The following SAMD5 variants were observed in gnomAD, a reference collection of about 807,000 sequenced individuals.
SAMD5 encodes sterile alpha motif domain-containing protein 5.
SAMD5 carries 13 observed loss-of-function variants against 11.3 expected under a neutral mutation model. The observed-to-expected ratio is 1.15, with a 90% CI of 0.75 to 1.83. The LOEUF (loss-of-function observed/expected upper bound fraction) is 1.83. Among genes scored for constraint, SAMD5 ranks in the 40% most tolerant of loss-of-function variants. The pLI is 0.00. For missense variants in SAMD5, 255 were observed against 239.1 expected, an observed-to-expected ratio of 1.07 and a Z score of -0.44; for synonymous variants, 129 against 111.3, an observed-to-expected ratio of 1.16 and a Z score of -1.00.
At chr6:147,810,046 C>T in the SAMD5 span, among the ~76,000 whole-genome samples, 1 of 152,066 alleles carries the variant, frequency 6.6e-6, no homozygotes, top group African/African-American at 2.4e-5. Context: ...ATGTATGTAA[C>T]CATTTTTTTG....
intron 1 of SAMD5, among the ~76,000 whole-genome samples, chr6:147,529,417 G>A (rs1172503764): frequency 6.6e-6 from 1 of 152,140 alleles, no homozygotes; most frequent in East Asian, 1.9e-4. Flanking sequence ...CAATTTAAAT[G>A]TAATTTAGGT....
chr6:147,757,506 T>A, the SAMD5 span, among the ~76,000 whole-genome samples: 5 of 152,190 alleles, frequency 3.3e-5, no homozygotes, highest in Admixed American at 3.3e-4. Flanking sequence ...AGAGACAGAA[T>A]TATGTCACAT....
At chr6:147,805,107 G>A in the SAMD5 span, among the ~76,000 whole-genome samples, 2 of 152,100 alleles carry the variant, frequency 1.3e-5, no homozygotes, top group Non-Finnish European at 2.9e-5. Flanking sequence ...CTTCAAATGG[G>A]GTTTATTGCA....
intron 1 of SAMD5, among the ~76,000 whole-genome samples, chr6:147,634,815 A>G (rs984318313): frequency 1.3e-5 from 2 of 152,226 alleles, no homozygotes; most frequent in African/African-American, 4.8e-5. Context: ...TGGCTTTGAC[A>G]GAGTGAAGGT....
chr6:147,826,596 A>G, the SAMD5 span, among the ~76,000 whole-genome samples: 30 of 152,172 alleles, frequency 2.0e-4, no homozygotes, highest in Non-Finnish European at 3.4e-4. Flanking sequence ...ATTCGTTTTC[A>G]TATTTCTCAT....
chr6:147,752,855 T>C, the SAMD5 span, among the ~76,000 whole-genome samples: 3 of 152,308 alleles, frequency 2.0e-5, no homozygotes, highest in South Asian at 6.2e-4. Flanking sequence ...AAAAGAAATA[T>C]GTTAGAAGCA....
At chr6:147,672,723 A>G (rs929387397) in intron 1 of SAMD5, among the ~76,000 whole-genome samples, 6 of 151,470 alleles carry the variant, frequency 4.0e-5, no homozygotes, top group Admixed American at 6.6e-5. Context: ...ATATATCTTC[A>G]TATTTCTAAA....
chr6:147,791,364 T>C, the SAMD5 span, among the ~76,000 whole-genome samples: 2 of 152,148 alleles, frequency 1.3e-5, no homozygotes, highest in African/African-American at 2.4e-5. Flanking sequence ...TGTCTATGCA[T>C]CTTGATTTTT....
downstream of SAMD5, among the ~76,000 whole-genome samples, chr6:147,571,415 G>A (rs368210340): frequency 2.6e-4 from 39 of 149,246 alleles, no homozygotes; most frequent in African/African-American, 9.6e-4. Flanking sequence ...GTCCCACTGA[G>A]GATTTTTTTT....
At chr6:147,799,302 G>A in the SAMD5 span, among the ~76,000 whole-genome samples, 1 of 152,004 alleles carries the variant, frequency 6.6e-6, no homozygotes, top group Non-Finnish European at 1.5e-5. Flanking sequence ...TGTCTGTAAA[G>A]TATTTTATTT....
chr6:147,727,173 C>G (rs1199328358), intron 1 of SAMD5, among the ~76,000 whole-genome samples: 2 of 152,158 alleles, frequency 1.3e-5, no homozygotes, highest in African/African-American at 2.4e-5. Context: ...ATACTGTGTT[C>G]CAACCACAGG....
intron 1 of SAMD5, among the ~76,000 whole-genome samples, chr6:147,626,417 A>T (rs1468666290): frequency 6.6e-6 from 1 of 151,590 alleles, no homozygotes; most frequent in African/African-American, 2.4e-5. Flanking sequence ...GTCCACCAAG[A>T]GTTTACTGGA....
chr6:147,626,101 T>C (rs1279650719), intron 1 of SAMD5, among the ~76,000 whole-genome samples: 1 of 152,130 alleles, frequency 6.6e-6, no homozygotes, highest in Non-Finnish European at 1.5e-5. Flanking sequence ...TATTTGACAG[T>C]GCTGGCCTTA....
chr6:147,680,514 T>C (rs1452478871), intron 1 of SAMD5, among the ~76,000 whole-genome samples: 1 of 152,104 alleles, frequency 6.6e-6, no homozygotes, highest in African/African-American at 2.4e-5. Context: ...TTATTTCTTT[T>C]GCTTATTACA....
intron 1 of SAMD5, among the ~76,000 whole-genome samples, chr6:147,686,380 TA>T (rs1340838287): frequency 6.6e-6 from 1 of 152,190 alleles, no homozygotes; most frequent in African/African-American, 2.4e-5. Flanking sequence ...TCACTTCTAT[TA>T]TCTTCTAAAT....
At position 147,569,623 on chromosome 6, in the gene SAMD5, C is replaced by G. The variant is rs1789104709; in HGVS notation, c.*5167C>G. On this transcript the variant is annotated 3_prime_UTR_variant, in exon 2 of 2. Transcript: ENST00000367474. The stretch of plus-strand genomic sequence containing the variant: ...GGGCAAAGTGGTATGTTGACTGGGA[C>G]AAACGTTAGAAATTGTATTGTTCAT... 1.2e-5 allele frequency: 12 copies of G among 985,124 alleles called. No homozygotes were observed. Among genetic ancestry groups the G allele is most frequent in the Middle Eastern group, 1.0e-3 (2 of 1,936 alleles). The allele number at this position is 985,124 out of a possible 1,614,324, so 61.0% of individuals were successfully genotyped here.
At chr6:147,766,604 C>A in the SAMD5 span, among the ~76,000 whole-genome samples, 1 of 152,212 alleles carries the variant, frequency 6.6e-6, no homozygotes, top group African/African-American at 2.4e-5. Context: ...TAAAGAAAAA[C>A]AAATGTGGAT....
the SAMD5 span, among the ~76,000 whole-genome samples, chr6:147,826,364 A>C: frequency 6.6e-6 from 1 of 152,134 alleles, no homozygotes; most frequent in African/African-American, 2.4e-5. Context: ...AATGGCTAGC[A>C]TTTCCAGAAT....
chr6:147,640,972 C>T (rs1562340474), intron 1 of SAMD5, among the ~76,000 whole-genome samples: 1 of 152,190 alleles, frequency 6.6e-6, no homozygotes, highest in African/African-American at 2.4e-5. Flanking sequence ...TTTGAAAATT[C>T]GCTAGACTCT....
Sources: allele counts gnomAD v4.1 joint callset (sites outside exome capture counted in the v4.1 genomes callset), GRCh38; gene constraint gnomAD v4.1.1; transcripts MANE v1.5; gene names NCBI Gene and HGNC (gene_info 2026-07-23, HGNC 2026-07-21).